The following KCNT2 variants were observed in gnomAD, a reference collection of about 807,000 sequenced individuals.
The protein encoded by KCNT2 is potassium sodium-activated channel subfamily T member 2, also known as potassium channel subfamily T member 2.
KCNT2 carries 67 observed loss-of-function variants against 153.8 expected under a neutral mutation model. The ratio of observed to expected loss-of-function variants is 0.44; its 90% CI spans 0.36 to 0.53. KCNT2 has a LOEUF of 0.53. KCNT2 is among the 20% of genes least tolerant of loss of function. KCNT2 has a pLI of 0.00. For missense variants in KCNT2, 975 were observed against 1,354.8 expected (o/e 0.72, Z 4.40); for synonymous variants, 500 against 458.8 (o/e 1.09, Z -1.15).
intron 21 of KCNT2, among the ~76,000 whole-genome samples, chr1:196,306,430 A>G (rs1300800287): frequency 6.6e-6 from 1 of 152,060 alleles, no homozygotes; most frequent in African/African-American, 2.4e-5. Context: ...CGAGTGCTTG[A>G]TGTGGTACAT....
rs191448410 is a variant in KCNT2, at chr1:196,293,668, A to T, written c.2596-7910T>A. Among the ~76,000 whole-genome samples the T allele has an allele frequency of 5.4e-4, 80 of 148,266 alleles. 2 individuals carry two copies. The highest frequency in any genetic ancestry group is 3.1e-3 in the East Asian group (16 of 5,084). On this transcript the variant is annotated intron_variant, in intron 22 of 27. Transcript: ENST00000294725. ...AAAAATTTGGACCTTATCTCATGCTATATGCAAAAATCAACTCAAAGACTT... is the reference window on the plus strand; with the variant it reads ...AAAAATTTGGACCTTATCTCATGCTTTATGCAAAAATCAACTCAAAGACTT...
chr1:196,573,233 AAGAG>A (rs1023908748), intron 1 of KCNT2, among the ~76,000 whole-genome samples: 1 of 152,132 alleles, frequency 6.6e-6, no homozygotes, highest in African/African-American at 2.4e-5. Context: ...CATACTAAAA[AAGAG>A]AGAATTGTGA....
chr1:196,570,466 A>G (rs2148948894), intron 1 of KCNT2, among the ~76,000 whole-genome samples: 1 of 152,258 alleles, frequency 6.6e-6, no homozygotes, highest in Non-Finnish European at 1.5e-5. Context: ...CCTCATCCCA[A>G]CACTTTCATA....
chr1:196,324,366 T>C (rs1379564880), intron 19 of KCNT2, among the ~76,000 whole-genome samples: 1 of 152,028 alleles, frequency 6.6e-6, no homozygotes, highest in Non-Finnish European at 1.5e-5. Flanking sequence ...AGAAATTTCA[T>C]AGAAAGGTCT....
At chr1:196,590,631 G>A (rs1663229604) in intron 1 of KCNT2, among the ~76,000 whole-genome samples, 1 of 152,072 alleles carries the variant, frequency 6.6e-6, no homozygotes, top group South Asian at 2.1e-4. Flanking sequence ...AGGTTGGGGT[G>A]GGCAAGGGCT....
chr1:196,240,608 A>G (rs893970112), intron 26 of KCNT2, among the ~76,000 whole-genome samples: 2 of 152,062 alleles, frequency 1.3e-5, no homozygotes, highest in African/African-American at 2.4e-5. Context: ...TAGAAGGGCA[A>G]ATGGCATAGC....
At chr1:196,369,326 TG>T (rs1315007204) in intron 14 of KCNT2, among the ~76,000 whole-genome samples, 5 of 152,126 alleles carry the variant, frequency 3.3e-5, no homozygotes, top group African/African-American at 4.8e-5. Flanking sequence ...TATTTATTTT[TG>T]TTTTTTTATT....
chr1:196,307,630 G>C (rs1336545422), intron 21 of KCNT2, among the ~76,000 whole-genome samples: 3 of 152,046 alleles, frequency 2.0e-5, no homozygotes, highest in Admixed American at 2.0e-4. Context: ...GTGCATTTGA[G>C]ATTAAATCTT....
chr1:196,497,807 C>T (rs1472284503), intron 1 of KCNT2, among the ~76,000 whole-genome samples: 3 of 152,030 alleles, frequency 2.0e-5, no homozygotes, highest in African/African-American at 7.2e-5. Flanking sequence ...TTTTGTCTAT[C>T]CTGGAATAAG....
chr1:196,308,491 C>T (rs893675924), intron 21 of KCNT2, among the ~76,000 whole-genome samples: 2 of 151,936 alleles, frequency 1.3e-5, no homozygotes, highest in Non-Finnish European at 2.9e-5. Flanking sequence ...TTGCCTACAC[C>T]AAAGTCACAT....
chr1:196,504,649 G>A (rs1156500127), intron 1 of KCNT2, among the ~76,000 whole-genome samples: 1 of 152,120 alleles, frequency 6.6e-6, no homozygotes, highest in East Asian at 1.9e-4. Flanking sequence ...AGATCCCTGA[G>A]GAATCGCCAC....
chr1:196,408,532 A>G (rs1201716954), intron 12 of KCNT2, among the ~76,000 whole-genome samples: 1 of 151,676 alleles, frequency 6.6e-6, no homozygotes, highest in African/African-American at 2.4e-5. Flanking sequence ...CCTTTCTAAT[A>G]TAAAGATTTA....
chr1:196,249,489 A>G (rs759803956), intron 26 of KCNT2, among the ~76,000 whole-genome samples: 3 of 152,080 alleles, frequency 2.0e-5, no homozygotes, highest in Non-Finnish European at 4.4e-5. Flanking sequence ...ACAAAAATCA[A>G]TGGCCAGACA....
chr1:196,374,735 G>A (rs1668808756), intron 13 of KCNT2, among the ~76,000 whole-genome samples: 1 of 151,670 alleles, frequency 6.6e-6, no homozygotes, highest in East Asian at 1.9e-4. Flanking sequence ...GAGTGTGTAT[G>A]CCCAATCTGT....
intron 5 of KCNT2, among the ~76,000 whole-genome samples, chr1:196,476,030 C>G (rs1292875503): frequency 6.6e-6 from 1 of 152,200 alleles, no homozygotes; most frequent in African/African-American, 2.4e-5. Context: ...ATGTCATCAT[C>G]ATATGATTGC....
rs1676832257 is a variant in KCNT2, at chr1:196,458,037, T to TA, written c.638+7255dup. Reference sequence around the variant, plus strand: ...GACTAAAAACATCCAGAATGAGACATACAATTTTACATTTCATCTCAGCCC... The same window carrying TA: ...GACTAAAAACATCCAGAATGAGACATAACAATTTTACATTTCATCTCAGCCC... On this transcript the variant is annotated intron_variant, in intron 8 of 27. Coordinates refer to ENST00000294725, the MANE Select transcript of KCNT2 (RefSeq NM_198503.5). Among the ~76,000 whole-genome samples, 3 of 151,948 alleles carry TA rather than the reference T, an allele frequency of 2.0e-5. No individual in the cohort carries two copies. In the East Asian group the frequency reaches 5.8e-4, roughly 30 times the overall value.
In KCNT2 at chr1:196,584,421, T is replaced by C. The variant is rs182466081; in HGVS notation, c.95+23794A>G. 1.3e-3 allele frequency among the ~76,000 whole-genome samples: 200 copies of C among 152,200 alleles called. 2 individuals carry two copies. The highest frequency in any genetic ancestry group is 4.5e-3 in the African/African-American group (188 of 41,554). On this transcript the variant is annotated intron_variant, in intron 1 of 27. Coordinates refer to ENST00000294725, the MANE Select transcript of KCNT2 (RefSeq NM_198503.5). ...GCAGCTTTTATTAAAAAGATTCTAA[T>C]GTTACAGTTTGTTTCCTATTCAAAT...
chr1:196,394,836 T>A (rs889490802), intron 13 of KCNT2, among the ~76,000 whole-genome samples: 2 of 151,536 alleles, frequency 1.3e-5, no homozygotes, highest in African/African-American at 4.8e-5. Context: ...TCCAGAAAAA[T>A]ACTGGATAAA....
intron 1 of KCNT2, among the ~76,000 whole-genome samples, chr1:196,590,012 A>G (rs571620908): frequency 6.6e-6 from 1 of 152,260 alleles, no homozygotes; most frequent in East Asian, 1.9e-4. Context: ...TACATTATAC[A>G]GGTTTTAGCT....
Sources: gnomAD v4.1 joint callset for allele counts (sites outside exome capture counted in the v4.1 genomes callset) on GRCh38, gnomAD v4.1.1 for gene constraint, MANE v1.5 for transcripts, NCBI Gene and HGNC (gene_info 2026-07-23, HGNC 2026-07-21) for gene names.